Variants in NHSL1 observed in about 807,000 individuals in gnomAD.
NHSL1 encodes the protein NHS like 1, also known as NHS-like protein 1.
NHSL1 carries 48 observed loss-of-function variants against 95.0 expected under a neutral mutation model. That is an observed-to-expected ratio of 0.51 (90% CI 0.40 to 0.64). NHSL1 has a LOEUF of 0.64. Among genes scored for constraint, NHSL1 ranks in the 30% least tolerant of loss-of-function variants. NHSL1 has a pLI of 0.00. For missense variants in NHSL1, 1,971 were observed against 2,077.7 expected (o/e 0.95, Z 1.00); for synonymous variants, 783 against 833.9 (o/e 0.94, Z 1.05).
chr6:138,584,831 C>T (rs139002095), intron 1 of NHSL1, among the ~76,000 whole-genome samples: 233 of 152,300 alleles, frequency 1.5e-3, no homozygotes, highest in Admixed American at 2.7e-3. Flanking sequence ...CGAGCACAGA[C>T]GGAGACATTT....
chr6:138,547,687 AT>A (rs1782855276), upstream of NHSL1, among the ~76,000 whole-genome samples: 1 of 152,082 alleles, frequency 6.6e-6, no homozygotes, highest in Non-Finnish European at 1.5e-5. Flanking sequence ...CCGGCCTGAT[AT>A]TAACTCTTAG....
upstream of NHSL1, among the ~76,000 whole-genome samples, chr6:138,547,191 G>A (rs1052600463): frequency 6.6e-6 from 1 of 152,028 alleles, no homozygotes; most frequent in African/African-American, 2.4e-5. Flanking sequence ...ATCCCAGCTG[G>A]GTTTCTGCTC....
chr6:138,573,153 G>A (rs1354056852), upstream of NHSL1, among the ~76,000 whole-genome samples: 1 of 152,174 alleles, frequency 6.6e-6, no homozygotes, highest in Non-Finnish European at 1.5e-5. Context: ...AGTCATCAGA[G>A]AGCTACGCTA....
chr6:138,471,839 G>A (rs1778771858), intron 3 of NHSL1, among the ~76,000 whole-genome samples: 1 of 152,072 alleles, frequency 6.6e-6, no homozygotes, highest in Non-Finnish European at 1.5e-5. Flanking sequence ...ATCACACTGT[G>A]CTCCATAAAT....
At chr6:138,673,341 T>C (rs1785405877) in intron 1 of NHSL1, among the ~76,000 whole-genome samples, 1 of 151,896 alleles carries the variant, frequency 6.6e-6, no homozygotes, top group South Asian at 2.1e-4. Context: ...AGACTCTTCT[T>C]ATTTTGTCCT....
rs1441837195 is a variant in NHSL1 at position 138,692,309 on chromosome 6, C to T, written c.96+167G>A. On this transcript the variant is annotated intron_variant, in intron 1 of 3. Transcript: ENST00000491526. The surrounding 1 kb of genome is among the most constrained non-coding windows in gnomAD (Gnocchi z 4.0). ...AGTCACAGAGCGCTCTGCGCCCCTG[C>T]CACCTGCCCAGCCTCCCGCTGGGGT... 5.2e-6 allele frequency: 2 copies of T among 382,804 alleles called. No individual in the cohort carries two copies. Among genetic ancestry groups the T allele is most frequent in the African/African-American group, 4.2e-5 (2 of 47,566 alleles). The allele number at this position is 382,804 out of a possible 1,614,324, so 23.7% of individuals were successfully genotyped here. A position where few individuals can be genotyped will look rare whatever the true frequency, so the allele number is the denominator to read the frequency against.
intron 3 of NHSL1, among the ~76,000 whole-genome samples, chr6:138,449,404 T>TG (rs1382361146): frequency 1.3e-5 from 2 of 152,070 alleles, no homozygotes; most frequent in Non-Finnish European, 2.9e-5. Context: ...GGGCCAGGCG[T>TG]GGTGGCTCAT....
chr6:138,531,822 TCTGATATTAAAC>T (rs1422386807), intron 1 of NHSL1, among the ~76,000 whole-genome samples: 7 of 152,182 alleles, frequency 4.6e-5, no homozygotes, highest in African/African-American at 1.7e-4. Flanking sequence ...TAATTCTTTT[TCTGATATTAAAC>T]CAGATGATAC....
chr6:138,546,896 A>T (rs1161368951), upstream of NHSL1, among the ~76,000 whole-genome samples: 7 of 152,208 alleles, frequency 4.6e-5, no homozygotes, highest in Non-Finnish European at 1.0e-4. Context: ...ACCTGATGAG[A>T]AACAGTCCAC....
chr6:138,557,843 T>C (rs1783249966), intron 1 of NHSL1, among the ~76,000 whole-genome samples: 1 of 152,110 alleles, frequency 6.6e-6, no homozygotes, highest in South Asian at 2.1e-4. Flanking sequence ...GTCCTGCCAC[T>C]CCCACAGAAC....
intron 1 of NHSL1, among the ~76,000 whole-genome samples, chr6:138,645,785 C>A (rs998118069): frequency 1.3e-5 from 2 of 152,036 alleles, no homozygotes; most frequent in African/African-American, 4.8e-5. Context: ...GGATTACAGG[C>A]GTGAGCCACC....
At chr6:138,683,411 T>C (rs1284171314) in intron 1 of NHSL1, among the ~76,000 whole-genome samples, 3 of 152,196 alleles carry the variant, frequency 2.0e-5, no homozygotes, top group Admixed American at 1.3e-4. Context: ...CAGCCTTCAA[T>C]GTCACCAAAA....
intron 2 of NHSL1, among the ~76,000 whole-genome samples, chr6:138,475,022 C>T (rs570897657): frequency 2.0e-5 from 3 of 152,130 alleles, no homozygotes; most frequent in African/African-American, 7.2e-5. Flanking sequence ...GTGGCGCATG[C>T]CTGTAATCCC....
chr6:138,661,936 T>C (rs946951878), intron 1 of NHSL1, among the ~76,000 whole-genome samples: 8 of 151,914 alleles, frequency 5.3e-5, no homozygotes, highest in African/African-American at 1.9e-4. Context: ...TAGCCAGAAG[T>C]GGTGGCGTGC....
chr6:138,430,503 G>C lies in NHSL1; in HGVS notation c.3842C>G (p.Pro1281Arg), dbSNP rs531785320. The C allele has an allele frequency of 6.4e-7, 1 of 1,551,422 alleles. No individual in the cohort carries two copies. The highest frequency in any genetic ancestry group is 2.4e-5 in the East Asian group (1 of 40,890). Reference protein sequence around the residue: ...MSPSRVEANVPMVQPDVSPAP... With the variant: ...MSPSRVEANVRMVQPDVSPAP... ...TGGTGAGACATCAGGCTGAACCATG[G>C]GGACATTGGCTTCCACTCTGCTGGG... The change falls in exon 6 of 8, where the codon CCC becomes CGC. Residue 1281 changes from proline to arginine, a missense_variant. Physicochemically the swap from Pro to Arg is moderately radical, Grantham distance 103. Coordinates refer to ENST00000343505, the MANE Select transcript of NHSL1 (RefSeq NM_001144060.2). This position sits in a 1 kb window ranked among gnomAD's most constrained non-coding sequence, Gnocchi z 4.7.
At chr6:138,528,733 A>G (rs908817046) in intron 1 of NHSL1, among the ~76,000 whole-genome samples, 2 of 152,336 alleles carry the variant, frequency 1.3e-5, no homozygotes, top group Middle Eastern at 3.4e-3. Context: ...CAAAACACAG[A>G]CCAGACTTAA....
chr6:138,647,084 C>G (rs1785029773), intron 1 of NHSL1, among the ~76,000 whole-genome samples: 1 of 152,216 alleles, frequency 6.6e-6, no homozygotes, highest in South Asian at 2.1e-4. Flanking sequence ...ATCCAACTCT[C>G]AGCTTCTCCT....
chr6:138,430,352 G>A lies in NHSL1; in HGVS notation c.3952+41C>T. The A allele has an allele frequency of 1.4e-6, 2 of 1,439,926 alleles. No individual in the cohort carries two copies. Among genetic ancestry groups the A allele is most frequent in the Non-Finnish European group, 1.8e-6 (2 of 1,092,780 alleles). 89.2% of individuals were successfully genotyped at this position (1,439,926 alleles called of 1,614,324 possible). ...CCCTATCTGGTTCAGCTGCATATGG[G>A]CAGAGGGCACAGGAGAGAGAAGCCA... On this transcript the variant is annotated intron_variant, in intron 6 of 7. Coordinates refer to ENST00000343505, the MANE Select transcript of NHSL1 (RefSeq NM_001144060.2). The surrounding 1 kb of genome is among the most constrained non-coding windows in gnomAD (Gnocchi z 4.7).
intron 2 of NHSL1, among the ~76,000 whole-genome samples, chr6:138,490,961 C>T (rs1251494974): frequency 1.3e-5 from 2 of 152,118 alleles, no homozygotes; most frequent in Non-Finnish European, 2.9e-5. Context: ...TTAAACAGGT[C>T]GATGTGTGCA....
Sources: allele counts gnomAD v4.1 joint callset (sites outside exome capture counted in the v4.1 genomes callset), GRCh38; gene constraint gnomAD v4.1.1; non-coding constraint Gnocchi (gnomAD v3.1); transcripts MANE v1.5; gene names NCBI Gene and HGNC (gene_info 2026-07-23, HGNC 2026-07-21).